Variants in CYREN observed in about 807,000 individuals in gnomAD.
CYREN encodes the protein cell cycle regulator of non-homologous end joining.
CYREN carries 7 observed loss-of-function variants against 9.7 expected under a neutral mutation model. That is an observed-to-expected ratio of 0.72 (90% CI 0.41 to 1.36). The LOEUF (loss-of-function observed/expected upper bound fraction) is 1.36, where lower values mean the gene tolerates loss of function less well. Among genes scored for constraint, CYREN ranks in the 40% most tolerant of loss-of-function variants. The pLI, the probability that CYREN is intolerant of heterozygous loss-of-function variation, is 0.01. For synonymous variants in CYREN, 76 were observed against 77.9 expected, an observed-to-expected ratio of 0.98 and a Z score of 0.13; for missense variants, 215 against 198.1, an observed-to-expected ratio of 1.09 and a Z score of -0.51.
chr7:135,156,513 T>A (rs1000510741), intron 2 of CYREN, among the ~76,000 whole-genome samples: 2 of 152,026 alleles, frequency 1.3e-5, no homozygotes, highest in South Asian at 4.1e-4. Flanking sequence ...TTTGAGCATA[T>A]GGTGTATTTC....
At chr7:135,125,697 T>C (rs765343641) in intron 2 of CYREN, among the ~76,000 whole-genome samples, 6 of 152,220 alleles carry the variant, frequency 3.9e-5, no homozygotes, top group Non-Finnish European at 5.9e-5. Flanking sequence ...GTATCCACCA[T>C]GATGAAGTTG....
At chr7:135,128,540 G>A in intron 2 of CYREN, 1 of 766,752 alleles carries the variant, frequency 1.3e-6, no homozygotes, top group Non-Finnish European at 2.4e-6. Flanking sequence ...CCAAGGTGGA[G>A]AAACCAGGAT....
chr7:135,111,370 G>A (rs928388308), intron 2 of CYREN, among the ~76,000 whole-genome samples: 3 of 152,062 alleles, frequency 2.0e-5, no homozygotes, highest in Non-Finnish European at 4.4e-5. Context: ...TGTTTCTACT[G>A]TTGCCATACC....
At chr7:135,168,682 C>G in intron 2 of CYREN, 104 bp downstream of exon 2, 2 of 1,469,408 alleles carry the variant, frequency 1.4e-6, no homozygotes, top group Non-Finnish European at 1.8e-6. Flanking sequence ...GAAACACCCG[C>G]CCATCTTGCT....
intron 2 of CYREN, among the ~76,000 whole-genome samples, chr7:135,143,655 A>T (rs898565314): frequency 1.9e-4 from 29 of 149,260 alleles, no homozygotes; most frequent in Middle Eastern, 3.5e-3. Context: ...TATTGAATTT[A>T]AAAAAAAAAT....
At chr7:135,155,097 T>G (rs1399480875) in intron 2 of CYREN, among the ~76,000 whole-genome samples, 1 of 152,208 alleles carries the variant, frequency 6.6e-6, no homozygotes, top group Non-Finnish European at 1.5e-5. Context: ...GACCTTATCT[T>G]TTTTCTTACT....
chr7:135,141,400 T>C (rs1829450494), intron 2 of CYREN, among the ~76,000 whole-genome samples: 1 of 152,180 alleles, frequency 6.6e-6, no homozygotes, highest in Admixed American at 6.5e-5. Flanking sequence ...TCAGTGGTAA[T>C]GTCCCCTTTG....
rs118003802 is a variant in CYREN, at chr7:135,135,560, C to T, written n.356+33189G>A. 105 of 204,364 alleles carry T rather than the reference C, an allele frequency of 5.1e-4. No homozygotes were observed. The East Asian group carries it at 8.8e-3, about 17-fold the overall frequency. 12.7% of individuals were successfully genotyped at this position (204,364 alleles called of 1,614,324 possible). Reference sequence around the variant, plus strand: ...TTTCTTCCAAAACTACTTACACATTCGACACCAAAAAAACTTAAGAACTCA... The same window carrying T: ...TTTCTTCCAAAACTACTTACACATTTGACACCAAAAAAACTTAAGAACTCA... On this transcript the variant is annotated intron_variant and non_coding_transcript_variant, in intron 2 of 2. Coordinates refer to the CYREN transcript ENST00000459937.
intron 2 of CYREN, among the ~76,000 whole-genome samples, chr7:135,109,331 C>A (rs999406502): frequency 6.6e-6 from 1 of 152,214 alleles, no homozygotes; most frequent in African/African-American, 2.4e-5. Flanking sequence ...GCAAAGATGA[C>A]AACCCACCTC....
intron 2 of CYREN, among the ~76,000 whole-genome samples, chr7:135,132,367 AAG>A (rs1002438460): frequency 5.3e-5 from 8 of 152,224 alleles, no homozygotes; most frequent in Non-Finnish European, 8.8e-5. Context: ...AATATTCAAA[AAG>A]TAATTGATGA....
downstream of CYREN, among the ~76,000 whole-genome samples, chr7:135,161,989 GCT>G (rs1241992993): frequency 6.6e-6 from 1 of 152,218 alleles, no homozygotes; most frequent in Non-Finnish European, 1.5e-5. This position sits in a 1 kb window ranked among gnomAD's most constrained non-coding sequence, Gnocchi z 4.1. Context: ...ACAGGCCCCA[GCT>G]CTCCATCAGC....
At chr7:135,101,824 T>C (rs915603442) in intron 2 of CYREN, among the ~76,000 whole-genome samples, 8 of 152,198 alleles carry the variant, frequency 5.3e-5, no homozygotes, top group Non-Finnish European at 1.2e-4. Context: ...CATCTTCAAT[T>C]ATAGCTCCCA....
chr7:135,160,114 A>G (rs895879061), intron 2 of CYREN, among the ~76,000 whole-genome samples: 7 of 152,280 alleles, frequency 4.6e-5, no homozygotes, highest in African/African-American at 1.7e-4. Flanking sequence ...ACAAACATAT[A>G]TATTTATGTA....
chr7:135,125,120 T>C (rs1167351071), intron 2 of CYREN, among the ~76,000 whole-genome samples: 1 of 151,734 alleles, frequency 6.6e-6, no homozygotes, highest in African/African-American at 2.4e-5. Flanking sequence ...CAGCTGTTTT[T>C]TTAAAAAAAT....
At chr7:135,128,947 A>G in intron 2 of CYREN, 1 of 1,571,768 alleles carries the variant, frequency 6.4e-7, no homozygotes, top group Non-Finnish European at 8.8e-7. Flanking sequence ...TTCTGTAAGA[A>G]GCTGGGTAGT....
intron 2 of CYREN, among the ~76,000 whole-genome samples, chr7:135,142,211 G>T (rs781572913): frequency 2.0e-5 from 3 of 151,050 alleles, no homozygotes; most frequent in African/African-American, 4.9e-5. Context: ...AGCTGCATTT[G>T]CCCACTATTT....
chr7:135,139,069 C>G (rs1829406170), intron 2 of CYREN, among the ~76,000 whole-genome samples: 1 of 152,050 alleles, frequency 6.6e-6, no homozygotes, highest in Non-Finnish European at 1.5e-5. Context: ...ATGCATGTGT[C>G]TTTATGGTAG....
At chr7:135,120,112 A>G (rs888130555) in intron 2 of CYREN, among the ~76,000 whole-genome samples, 15 of 152,266 alleles carry the variant, frequency 9.9e-5, no homozygotes, top group African/African-American at 3.6e-4. Flanking sequence ...CTTACTCTAA[A>G]AGAATGACTA....
Position 135,166,557 on chromosome 7 carries a change from G to T in CYREN, c.*54C>A. On this transcript the variant is annotated 3_prime_UTR_variant, in exon 4 of 4. Transcript: ENST00000393114. ...GGGCGGCCCAGCAGCACCAGTGGAA[G>T]CTCAGCTGTCCTCCAGCTGCTCTCG... The T allele has an allele frequency of 1.3e-6, 2 of 1,523,914 alleles. No homozygotes were observed. Among genetic ancestry groups the T allele is most frequent in the Non-Finnish European group, 1.8e-6 (2 of 1,138,262 alleles). 94.4% of individuals were successfully genotyped at this position (1,523,914 alleles called of 1,614,324 possible).
Sources: allele counts gnomAD v4.1 joint callset (sites outside exome capture counted in the v4.1 genomes callset), GRCh38; gene constraint gnomAD v4.1.1; non-coding constraint Gnocchi (gnomAD v3.1); transcripts MANE v1.5; gene names NCBI Gene and HGNC (gene_info 2026-07-23, HGNC 2026-07-21).